The following CNOT4 variants were observed in gnomAD, a reference collection of about 807,000 sequenced individuals.
CNOT4 encodes CCR4-NOT transcription complex subunit 4.
CNOT4 carries 8 observed loss-of-function variants against 73.8 expected under a neutral mutation model. The observed-to-expected ratio is 0.11, with a 90% CI of 0.06 to 0.20. CNOT4 has a LOEUF of 0.20. Among genes scored for constraint, CNOT4 ranks in the 10% least tolerant of loss-of-function variants. CNOT4 has a pLI of 1.00. For missense variants in CNOT4, 564 were observed against 883.4 expected (o/e 0.64, Z 4.58); for synonymous variants, 293 against 321.1 (o/e 0.91, Z 0.94).
intron 7 of CNOT4, among the ~76,000 whole-genome samples, chr7:135,405,848 C>G (rs1006586755): frequency 6.6e-6 from 1 of 152,138 alleles, no homozygotes; most frequent in Non-Finnish European, 1.5e-5. Context: ...AAGAGAAAAT[C>G]ACATTTTAAG....
Position 135,493,175 on chromosome 7 carries a change from G to A in CNOT4, c.-93+16714C>T, listed in dbSNP as rs1803230345. ...ATGGAGTAGGTCAGAGCAGGAAAAT[G>A]GTTGGTTGGTTGGTTGGTTTGTTTG... On this transcript the variant is annotated intron_variant, in intron 1 of 11. Coordinates refer to ENST00000541284, the MANE Select transcript of CNOT4 (RefSeq NM_001190850.2). 2.0e-5 allele frequency among the ~76,000 whole-genome samples: 3 copies of A among 152,118 alleles called. No individual in the cohort carries two copies. The South Asian group carries it at 6.2e-4, about 32-fold the overall frequency.
chr7:135,507,865 T>C (rs761287346), intron 1 of CNOT4, among the ~76,000 whole-genome samples: 2 of 152,320 alleles, frequency 1.3e-5, no homozygotes, highest in Non-Finnish European at 2.9e-5. Flanking sequence ...AACCCAAAAC[T>C]CAACTTGTAA....
intron 1 of CNOT4, among the ~76,000 whole-genome samples, chr7:135,481,453 G>A (rs904634912): frequency 4.6e-5 from 7 of 152,096 alleles, no homozygotes; most frequent in Non-Finnish European, 1.0e-4. Flanking sequence ...AACAGATGCT[G>A]GCAAGCATGC....
Position 135,428,614 on chromosome 7 carries a change from A to G in CNOT4, c.175-6261T>C, listed in dbSNP as rs374655051. 2.6e-5 allele frequency among the ~76,000 whole-genome samples: 4 copies of G among 152,200 alleles called. No homozygotes were observed. In the East Asian group the frequency reaches 7.7e-4, roughly 29 times the overall value. On this transcript the variant is annotated intron_variant, in intron 2 of 11. Coordinates refer to ENST00000541284, the MANE Select transcript of CNOT4 (RefSeq NM_001190850.2). The stretch of plus-strand genomic sequence containing the variant: ...TTTAGTGGCAGATTGGATACAAAAC[A>G]AACTATTCGCACATGAGGACAGGTC...
intron 1 of CNOT4, among the ~76,000 whole-genome samples, chr7:135,497,314 T>C (rs761773195): frequency 6.6e-6 from 1 of 151,912 alleles, no homozygotes; most frequent in African/African-American, 2.4e-5. Context: ...GAGGCTAAGG[T>C]AGGAGAATTG....
At chr7:135,434,634 T>C (rs1301615337) in intron 2 of CNOT4, among the ~76,000 whole-genome samples, 6 of 152,216 alleles carry the variant, frequency 3.9e-5, no homozygotes, top group African/African-American at 1.4e-4. Context: ...AGTCTCGTGA[T>C]GTTATAAATA....
At chr7:135,504,474 T>A (rs1804212011) in intron 1 of CNOT4, among the ~76,000 whole-genome samples, 1 of 68,130 alleles carries the variant, frequency 1.5e-5, no homozygotes, top group Non-Finnish European at 3.0e-5. Context: ...TTTTTTTTTT[T>A]TTTTTTTTTT....
intron 1 of CNOT4, among the ~76,000 whole-genome samples, chr7:135,472,986 C>T (rs919204528): frequency 6.6e-6 from 1 of 150,994 alleles, no homozygotes; most frequent in African/African-American, 2.4e-5. Flanking sequence ...GGGTGCAGTG[C>T]GTTATGATCA....
intron 10 of CNOT4, among the ~76,000 whole-genome samples, chr7:135,378,834 A>C (rs536364676): frequency 1.4e-4 from 22 of 152,150 alleles, no homozygotes; most frequent in African/African-American, 5.1e-4. Context: ...AGAATACAAA[A>C]ATTAGCCACG....
intron 2 of CNOT4, among the ~76,000 whole-genome samples, chr7:135,433,371 T>TTTTTTTC (rs1563047661): frequency 6.8e-6 from 1 of 146,564 alleles, no homozygotes. Flanking sequence ...TTTTTTTTTT[T>TTTTTTTC]CTTGAGGTAG....
At chr7:135,388,482 G>T in intron 10 of CNOT4, 1 of 998,296 alleles carries the variant, frequency 1.0e-6, no homozygotes, top group Non-Finnish European at 1.2e-6. Context: ...TTCAATAATA[G>T]AGCCAAAATA....
At chr7:135,485,508 G>A (rs574741346) in intron 1 of CNOT4, among the ~76,000 whole-genome samples, 15 of 152,278 alleles carry the variant, frequency 9.9e-5, no homozygotes, top group East Asian at 5.8e-4. Flanking sequence ...TAACTATACC[G>A]CTACAGCAAT....
At chr7:135,435,711 A>C (rs143480371) in intron 2 of CNOT4, among the ~76,000 whole-genome samples, 108 of 152,264 alleles carry the variant, frequency 7.1e-4, no homozygotes, top group African/African-American at 2.2e-3. Context: ...ACACCTTTAC[A>C]TGTGAGAATC....
At position 135,487,442 on chromosome 7, in the gene CNOT4, G is replaced by A. The variant is rs541390343; in HGVS notation, c.-93+22447C>T. On this transcript the variant is annotated intron_variant, in intron 1 of 11. Transcript: ENST00000541284. ...TTTTGTAGAGATGCAGTATCCGTAT[G>A]TTTCCCAGGCTTGTCTGGAACTCCT... is the stretch of plus-strand genomic sequence containing the variant. 9.9e-5 allele frequency among the ~76,000 whole-genome samples: 15 copies of A among 151,830 alleles called. No individual in the cohort carries two copies. The South Asian group carries it at 2.5e-3, about 25-fold the overall frequency.
chr7:135,407,278 T>G (rs1179220533), intron 7 of CNOT4, among the ~76,000 whole-genome samples: 1 of 152,216 alleles, frequency 6.6e-6, no homozygotes, highest in Non-Finnish European at 1.5e-5. Context: ...TATTTCTTTA[T>G]AGCAATGCAA....
intron 7 of CNOT4, among the ~76,000 whole-genome samples, chr7:135,402,035 T>A (rs1057385060): frequency 6.6e-6 from 1 of 151,260 alleles, no homozygotes; most frequent in Non-Finnish European, 1.5e-5. Flanking sequence ...TGTATTTTCA[T>A]ACAAACGATC....
chr7:135,415,273 A>C lies in CNOT4; in HGVS notation c.373-11T>G. ...TGGTCGTTTTAAAACCTATAAAAGA[A>C]GAAGAAATAAGGTATAAACTGTCCC... is the stretch of plus-strand genomic sequence containing the variant. On this transcript the variant is annotated splice_polypyrimidine_tract_variant and intron_variant, in intron 3 of 11. Transcript: ENST00000541284. The C allele has an allele frequency of 7.1e-7, 1 of 1,400,724 alleles. No homozygotes were observed. The highest frequency in any genetic ancestry group is 1.0e-6 in the Non-Finnish European group (1 of 986,952). 86.8% of individuals were successfully genotyped at this position (1,400,724 alleles called of 1,614,324 possible).
chr7:135,390,231 C>T (rs565929615), intron 10 of CNOT4, among the ~76,000 whole-genome samples: 4 of 152,076 alleles, frequency 2.6e-5, no homozygotes, highest in Non-Finnish European at 5.9e-5. Context: ...AGGAGGGCAT[C>T]GTTGTAGTGC....
intron 7 of CNOT4, among the ~76,000 whole-genome samples, chr7:135,404,424 C>T (rs1006028550): frequency 1.3e-5 from 2 of 152,078 alleles, no homozygotes; most frequent in Admixed American, 6.6e-5. Flanking sequence ...TAATTGATAA[C>T]TATTTTTAGG....
Sources: allele counts gnomAD v4.1 joint callset (sites outside exome capture counted in the v4.1 genomes callset), GRCh38; gene constraint gnomAD v4.1.1; transcripts MANE v1.5; gene names NCBI Gene and HGNC (gene_info 2026-07-23, HGNC 2026-07-21).